The following COG5 variants were observed in gnomAD, a reference collection of about 807,000 sequenced individuals.
The protein encoded by COG5 is conserved oligomeric Golgi complex subunit 5.
COG5 carries 86 observed loss-of-function variants against 110.4 expected under a neutral mutation model. That is an observed-to-expected ratio of 0.78 (90% confidence interval 0.65 to 0.93). The LOEUF (loss-of-function observed/expected upper bound fraction) is 0.93. COG5 is among the 40% of genes least tolerant of loss of function. The probability of loss-of-function intolerance (pLI) is 0.00; values close to 1 mark genes in which losing one functional copy is unlikely to be tolerated. For synonymous variants in COG5, 360 were observed against 334.6 expected (o/e 1.08, Z -0.83); for missense variants, 1,077 against 987.0 (o/e 1.09, Z -1.22).
chr7:107,223,442 G>C (rs1247425514), intron 19 of COG5, among the ~76,000 whole-genome samples: 1 of 152,184 alleles, frequency 6.6e-6, no homozygotes, highest in Non-Finnish European at 1.5e-5. Context: ...TCTCAGTCTA[G>C]ATTGTCTATA....
intron 6 of COG5, among the ~76,000 whole-genome samples, chr7:107,431,713 G>A (rs965026693): frequency 6.6e-6 from 1 of 152,046 alleles, no homozygotes; most frequent in African/African-American, 2.4e-5. Context: ...ATAGCTCACT[G>A]TGGTCTCAAC....
At chr7:107,318,186 C>T (rs996218218) in intron 11 of COG5, among the ~76,000 whole-genome samples, 4 of 152,196 alleles carry the variant, frequency 2.6e-5, no homozygotes, top group African/African-American at 7.2e-5. Context: ...TGCCACCACA[C>T]CCAGCTAATT....
intron 6 of COG5, among the ~76,000 whole-genome samples, chr7:107,521,778 A>G (rs1800335420): frequency 6.6e-6 from 1 of 152,232 alleles, no homozygotes; most frequent in Admixed American, 6.5e-5. Flanking sequence ...CAATCCCATT[A>G]CTGGGATATA....
At chr7:107,230,492 G>A in intron 19 of COG5, 123 bp downstream of exon 19, 2 of 773,372 alleles carry the variant, frequency 2.6e-6, no homozygotes, top group Non-Finnish European at 4.7e-6. Flanking sequence ...GATGAATCAT[G>A]AAATTGCCAT....
intron 11 of COG5, among the ~76,000 whole-genome samples, chr7:107,310,020 T>C (rs957819265): frequency 6.6e-6 from 1 of 152,218 alleles, no homozygotes; most frequent in Admixed American, 6.5e-5. Context: ...AAAAGTGTAC[T>C]ATACACATAT....
At chr7:107,464,913 C>G (rs1221029235) in intron 6 of COG5, among the ~76,000 whole-genome samples, 1 of 152,100 alleles carries the variant, frequency 6.6e-6, no homozygotes, top group Non-Finnish European at 1.5e-5. Context: ...AAAAGCAAGT[C>G]TGCTTGCATT....
intron 19 of COG5, among the ~76,000 whole-genome samples, chr7:107,213,735 T>C (rs1178981400): frequency 6.6e-6 from 1 of 152,142 alleles, no homozygotes; most frequent in Non-Finnish European, 1.5e-5. Flanking sequence ...AGCTGGCTCA[T>C]CCAGAATCAC....
At chr7:107,294,879 ATTTGTGTG>A (rs1228746148) in intron 12 of COG5, among the ~76,000 whole-genome samples, 16 of 36,936 alleles carry the variant, frequency 4.3e-4, no homozygotes, top group Non-Finnish European at 8.4e-4. Context: ...CCATGCCTGG[ATTTGTGTG>A]TGTGTGTGTG....
chr7:107,378,421 G>C (rs1042947296), intron 7 of COG5, among the ~76,000 whole-genome samples: 1 of 152,276 alleles, frequency 6.6e-6, no homozygotes, highest in Middle Eastern at 3.4e-3. Context: ...TGGAGAATGA[G>C]TTTGATGAAA....
At chr7:107,279,608 A>C (rs1805004289) in intron 14 of COG5, among the ~76,000 whole-genome samples, 1 of 152,134 alleles carries the variant, frequency 6.6e-6, no homozygotes, top group Non-Finnish European at 1.5e-5. Flanking sequence ...CAAGAAACAA[A>C]CATTAACAGC....
At chr7:107,319,914 CTG>C (rs1472223219) in intron 11 of COG5, among the ~76,000 whole-genome samples, 3 of 152,236 alleles carry the variant, frequency 2.0e-5, no homozygotes, top group South Asian at 2.1e-4. Flanking sequence ...CGTGCAATGA[CTG>C]TGCCTGTGAA....
At chr7:107,509,117 C>T (rs1308905995) in intron 6 of COG5, among the ~76,000 whole-genome samples, 2 of 151,988 alleles carry the variant, frequency 1.3e-5, no homozygotes, top group African/African-American at 4.8e-5. Context: ...GGAGAAAGTT[C>T]GAACCAATGG....
At chr7:107,247,401 T>C (rs1313633106) in intron 17 of COG5, among the ~76,000 whole-genome samples, 1 of 152,188 alleles carries the variant, frequency 6.6e-6, no homozygotes, top group Non-Finnish European at 1.5e-5. Context: ...AAAAACTTTG[T>C]AAATGAAATA....
chr7:107,256,398 C>G (rs1802881975), intron 16 of COG5, among the ~76,000 whole-genome samples: 1 of 152,018 alleles, frequency 6.6e-6, no homozygotes, highest in Non-Finnish European at 1.5e-5. Flanking sequence ...TCAAATGTCA[C>G]CTGGGGACAA....
chr7:107,403,831 A>C (rs1791616555), intron 7 of COG5, among the ~76,000 whole-genome samples: 1 of 152,118 alleles, frequency 6.6e-6, no homozygotes, highest in Non-Finnish European at 1.5e-5. Flanking sequence ...TTTAAGGAGG[A>C]TGCATTGGGA....
chr7:107,259,721 C>T (rs570854495), intron 14 of COG5, among the ~76,000 whole-genome samples: 2 of 152,114 alleles, frequency 1.3e-5, no homozygotes, highest in African/African-American at 2.4e-5. Context: ...TTTTGAAGAA[C>T]AAAGAAATGG....
chr7:107,384,465 G>A (rs938516552), intron 7 of COG5, among the ~76,000 whole-genome samples: 3 of 152,076 alleles, frequency 2.0e-5, no homozygotes, highest in East Asian at 1.9e-4. Context: ...TTGAACTGCC[G>A]GGCAGGAAGC....
chr7:107,393,264 C>T (rs997838007), intron 7 of COG5, among the ~76,000 whole-genome samples: 2 of 152,172 alleles, frequency 1.3e-5, no homozygotes, highest in East Asian at 3.9e-4. Context: ...AGGAATTCTA[C>T]TGTTTCCTTA....
chr7:107,558,171 A>G, intron 1 of COG5, 56 bp from the exon 2 acceptor site: 5 of 1,534,614 alleles, frequency 3.3e-6, no homozygotes, highest in Non-Finnish European at 4.5e-6. Flanking sequence ...TAAACCAGTT[A>G]TTAAACAACA....
Sources: gnomAD v4.1 joint callset for allele counts (sites outside exome capture counted in the v4.1 genomes callset) on GRCh38, gnomAD v4.1.1 for gene constraint, MANE v1.5 for transcripts, NCBI Gene and HGNC (gene_info 2026-07-23, HGNC 2026-07-21) for gene names.